Variants in SNX9 observed in about 807,000 individuals in gnomAD.
The protein encoded by SNX9 is sorting nexin-9.
Under a neutral mutation model 89.4 loss-of-function variants are expected in SNX9, and 44 were observed. The observed-to-expected ratio is 0.49, with a 90% CI of 0.39 to 0.63. The LOEUF is 0.63. Among genes scored for constraint, SNX9 ranks in the 30% least tolerant of loss-of-function variants. SNX9 has a pLI of 0.00. For synonymous variants in SNX9, 236 were observed against 247.8 expected, an observed-to-expected ratio of 0.95 and a Z score of 0.45; for missense variants, 578 against 736.1, an observed-to-expected ratio of 0.79 and a Z score of 2.49.
chr6:157,906,207 A>G lies in SNX9; in HGVS notation c.700A>G (p.Ile234Val), dbSNP rs775603272. 62 of 1,602,090 alleles carry G rather than the reference A, an allele frequency of 3.9e-5. No individual in the cohort carries two copies. The Admixed American group carries it at 1.1e-3, about 28-fold the overall frequency. Residue 234 changes from isoleucine to valine, a missense_variant, in exon 7 of 18, where the codon ATC becomes GTC. This residue lies in a region of SNX9 where 348 missense variants were observed against 491.4 expected (regional missense o/e 0.71). Coordinates refer to ENST00000392185, the MANE Select transcript of SNX9 (RefSeq NM_016224.5). The part of the protein sequence containing the change: ...QLAKPKEKIP[I>V]IVGDYGPMWV... ...AGCAAAACCCAAAGAGAAAATTCCC[A>G]TCATTGTAAGTTTGTTTATTTTTGT...
At chr6:157,904,053 A>G (rs1783160818) in intron 6 of SNX9, among the ~76,000 whole-genome samples, 1 of 152,236 alleles carries the variant, frequency 6.6e-6, no homozygotes, top group Non-Finnish European at 1.5e-5. Context: ...CAATTAATCC[A>G]TTTTATATGA....
intron 1 of SNX9, among the ~76,000 whole-genome samples, chr6:157,826,479 GAC>G (rs1781346533): frequency 6.8e-6 from 1 of 146,990 alleles, no homozygotes; most frequent in African/African-American, 2.6e-5. Context: ...CAGCCTGGGT[GAC>G]AGAGTGAGAC....
At position 157,840,871 on chromosome 6, in the gene SNX9, G is replaced by A. The variant is rs559490610; in HGVS notation, c.12+17425G>A. On this transcript the variant is annotated intron_variant, in intron 1 of 17. Transcript: ENST00000392185. ...GGATATACTGAAAGTGAATACAAAC[G>A]GCTCATCAGACCATTTGGCTGTTAC... Among the ~76,000 whole-genome samples, 5 of 152,150 alleles carry A rather than the reference G, an allele frequency of 3.3e-5. No homozygotes were observed. The South Asian group carries it at 6.2e-4, about 19-fold the overall frequency.
Position 157,906,121 on chromosome 6 carries a change from T to C in SNX9, c.621-7T>C, listed in dbSNP as rs771738914. On this transcript the variant is annotated splice_polypyrimidine_tract_variant and splice_region_variant and intron_variant, in intron 6 of 17. Transcript: ENST00000392185. Reference sequence around the variant, plus strand: ...TAAGACTGATGAACATTTATATTCATGATTAGATTTCCTGGATTTGCGAAA... The same window carrying C: ...TAAGACTGATGAACATTTATATTCACGATTAGATTTCCTGGATTTGCGAAA... 1 of 1,609,042 alleles carries C rather than the reference T, an allele frequency of 6.2e-7. No individual in the cohort carries two copies.
intron 5 of SNX9, among the ~76,000 whole-genome samples, chr6:157,897,381 G>A (rs554718638): frequency 3.3e-4 from 50 of 152,296 alleles, no homozygotes; most frequent in African/African-American, 1.2e-3. Flanking sequence ...CGAGGCATGG[G>A]GAAGGGACGC....
intron 10 of SNX9, among the ~76,000 whole-genome samples, chr6:157,921,867 C>T (rs1263357942): frequency 1.3e-5 from 2 of 152,198 alleles, no homozygotes; most frequent in African/African-American, 4.8e-5. Flanking sequence ...CTTCCCCCTA[C>T]ACTGGGAGTG....
intron 5 of SNX9, among the ~76,000 whole-genome samples, chr6:157,897,485 A>G (rs1240817805): frequency 2.0e-5 from 3 of 152,016 alleles, no homozygotes; most frequent in Non-Finnish European, 4.4e-5. Context: ...CGGCGGTTTC[A>G]TCACATAGGC....
At position 157,896,916 on chromosome 6, in the gene SNX9, G is replaced by A. The variant is rs770539783; in HGVS notation, c.390G>A (p.Glu130=). 2 of 1,613,412 alleles carry A rather than the reference G, an allele frequency of 1.2e-6. No individual in the cohort carries two copies. The highest frequency in any genetic ancestry group is 1.1e-5 in the South Asian group (1 of 91,002). The part of the protein sequence containing the change: ...ESSEGWGAQP[E]GAGAQRNTNT... ...CAGAAGGCTGGGGGGCCCAGCCAGA[G>A]GGGGCTGGAGCCCAAAGAAACACAA... The change falls in exon 5 of 18, where the codon GAG becomes GAA. Residue 130 remains glutamate, a synonymous_variant. Transcript: ENST00000392185.
At chr6:157,874,873 T>C in intron 3 of SNX9, 178 bp from the exon 4 acceptor site, 1 of 549,368 alleles carries the variant, frequency 1.8e-6, no homozygotes, top group Non-Finnish European at 3.0e-6. Flanking sequence ...TAGTTTGAAC[T>C]AAATAAAAAT....
intron 5 of SNX9, among the ~76,000 whole-genome samples, chr6:157,899,312 C>T (rs993799089): frequency 6.6e-6 from 1 of 152,102 alleles, no homozygotes; most frequent in Admixed American, 6.5e-5. Context: ...TTTCAAAGTT[C>T]TGTCGTCCCT....
At chr6:157,924,277 A>T (rs1783644089) in intron 10 of SNX9, 1 of 152,034 alleles carries the variant, frequency 6.6e-6, no homozygotes, top group African/African-American at 2.4e-5. Context: ...CAGAGGTAAA[A>T]TGGAGGAGAA....
chr6:157,883,612 AC>A (rs1363248038), intron 4 of SNX9, among the ~76,000 whole-genome samples: 1 of 152,150 alleles, frequency 6.6e-6, no homozygotes, highest in Non-Finnish European at 1.5e-5. Flanking sequence ...ACCCATCATC[AC>A]CTTATCTTTA....
At chr6:157,857,603 A>G (rs1272375615) in intron 1 of SNX9, among the ~76,000 whole-genome samples, 1 of 149,694 alleles carries the variant, frequency 6.7e-6, no homozygotes, top group Non-Finnish European at 1.5e-5. Context: ...ACGTTTCTAT[A>G]TGTCTTTGGG....
At chr6:157,866,620 A>G (rs1782267939) in intron 1 of SNX9, among the ~76,000 whole-genome samples, 1 of 152,144 alleles carries the variant, frequency 6.6e-6, no homozygotes, top group African/African-American at 2.4e-5. Context: ...ACGTTTTAAA[A>G]TCATGGCTGT....
In SNX9 at chr6:157,906,347, A is replaced by G. The variant is rs887293404; in HGVS notation, c.705+135A>G. 16 of 643,996 alleles carry G rather than the reference A, an allele frequency of 2.5e-5. No individual in the cohort carries two copies. The African/African-American group carries it at 2.7e-4, about 11-fold the overall frequency. 39.9% of individuals were successfully genotyped at this position (643,996 alleles called of 1,614,324 possible). A position where few individuals can be genotyped will look rare whatever the true frequency, so the allele number is the denominator to read the frequency against. Reference sequence around the variant, plus strand: ...TAATGCCCCACATAACTGATAATATATGTTAGTGTTGTAGGAGTACTGAAG... The same window carrying G: ...TAATGCCCCACATAACTGATAATATGTGTTAGTGTTGTAGGAGTACTGAAG... On this transcript the variant is annotated intron_variant, in intron 7 of 17. Transcript: ENST00000392185.
chr6:157,849,636 G>T (rs1459455242), intron 1 of SNX9, among the ~76,000 whole-genome samples: 2 of 152,220 alleles, frequency 1.3e-5, no homozygotes, highest in Non-Finnish European at 2.9e-5. Flanking sequence ...GAAGTGAGTA[G>T]ATTGTAGCAG....
At chr6:157,902,238 A>G (rs117472144) in intron 6 of SNX9, among the ~76,000 whole-genome samples, 193 bp downstream of exon 6, 4,630 of 151,410 alleles carry the variant, frequency 0.031, 121 homozygotes, top group Non-Finnish European at 0.044. Context: ...TTTTTGATTT[A>G]CAAGGTTAAT....
intron 1 of SNX9, among the ~76,000 whole-genome samples, chr6:157,836,802 C>T (rs9365485): frequency 6.6e-6 from 1 of 151,692 alleles, no homozygotes; most frequent in Non-Finnish European, 1.5e-5. Context: ...CATGTTAGCC[C>T]GGATGGTCTC....
chr6:157,910,736 T>TTTGTTTTTGTGTCAGGGAA (rs1193952705), intron 9 of SNX9, among the ~76,000 whole-genome samples: 1 of 151,706 alleles, frequency 6.6e-6, no homozygotes, highest in Non-Finnish European at 1.5e-5. Context: ...GTAGAAAGGG[T>TTTGTTTTTGTGTCAGGGAA]TTGTTTTTGT....
Sources: allele counts gnomAD v4.1 joint callset (sites outside exome capture counted in the v4.1 genomes callset), GRCh38; gene constraint gnomAD v4.1.1; regional missense constraint gnomAD v4.1.1; transcripts MANE v1.5; gene names NCBI Gene and HGNC (gene_info 2026-07-23, HGNC 2026-07-21).